Variants in TESMIN observed in about 807,000 individuals in gnomAD.
TESMIN encodes CXC domain containing 2.
A neutral mutation model predicts 47.4 loss-of-function variants in TESMIN; 34 were observed. That is an observed-to-expected ratio of 0.72 (90% CI 0.55 to 0.96). The LOEUF (loss-of-function observed/expected upper bound fraction) is 0.96. Among genes scored for constraint, TESMIN ranks in the 40% least tolerant of loss-of-function variants. The pLI is 0.00. For missense variants in TESMIN, 610 were observed against 637.2 expected, an observed-to-expected ratio of 0.96 and a Z score of 0.46; for synonymous variants, 278 against 258.9, an observed-to-expected ratio of 1.07 and a Z score of -0.71.
chr11:68,736,330 C>A, intron 6 of TESMIN: 1 of 985,408 alleles, frequency 1.0e-6, no homozygotes, highest in Non-Finnish European at 1.2e-6. Context: ...ACCCCCCAAC[C>A]CTAACAAATG....
chr11:68,728,848 A>T (rs1277608140), intron 6 of TESMIN, among the ~76,000 whole-genome samples: 1 of 152,234 alleles, frequency 6.6e-6, no homozygotes, highest in African/African-American at 2.4e-5. Flanking sequence ...TTACAGCATG[A>T]TTTACTGAAT....
Position 68,708,173 on chromosome 11 carries a change from T to G in TESMIN, c.*135A>C, listed in dbSNP as rs1482384253. ...TGCCACATCTTCAGAGAGCTCTGAG[T>G]AAACTCCCTGGGCCCAGGGATGCAG... On this transcript the variant is annotated 3_prime_UTR_variant, in exon 10 of 10. Coordinates refer to ENST00000255087, the MANE Select transcript of TESMIN (RefSeq NM_004923.3). The G allele has an allele frequency of 1.2e-6, 1 of 837,822 alleles. No individual in the cohort carries two copies. The highest frequency in any genetic ancestry group is 1.9e-6 in the Non-Finnish European group (1 of 538,224). 51.9% of individuals were successfully genotyped at this position (837,822 alleles called of 1,614,324 possible).
intron 6 of TESMIN, among the ~76,000 whole-genome samples, chr11:68,723,709 T>G (rs1254795421): frequency 6.6e-6 from 1 of 152,082 alleles, no homozygotes; most frequent in Admixed American, 6.5e-5. Flanking sequence ...GCCATAATTA[T>G]AGATACAGAG....
chr11:68,712,182 C>G (rs1297237465), intron 8 of TESMIN, among the ~76,000 whole-genome samples: 1 of 152,266 alleles, frequency 6.6e-6, no homozygotes, highest in Admixed American at 6.5e-5. Flanking sequence ...AGCATAGGCT[C>G]TGCCTTGGGG....
At position 68,750,378 on chromosome 11, in the gene TESMIN, C is replaced by G. The variant is rs766989014; in HGVS notation, c.283G>C (p.Gly95Arg). 11 of 1,512,340 alleles carry G rather than the reference C, an allele frequency of 7.3e-6. No individual in the cohort carries two copies. The East Asian group carries it at 1.8e-4, about 24-fold the overall frequency. The allele number at this position is 1,512,340 out of a possible 1,614,324, so 93.7% of individuals were successfully genotyped here. ...AGCTCTGGGATCCCGGGGTACTCCC[C>G]GAGGAGCTCCCCGCCGTCGCTGTCG... is the stretch of plus-strand genomic sequence containing the variant. The part of the protein sequence containing the change: ...GGDSDGGELL[G>R]EYPGIPELSA... The change falls in exon 2 of 10, where the codon GGG (glycine) becomes CGG (arginine). Residue 95 changes from glycine (G) to arginine (R), a missense_variant. Gly to Arg is a moderately radical substitution (Grantham distance 125). Transcript: ENST00000255087.
chr11:68,708,222 G>T lies in TESMIN; in HGVS notation c.*86C>A. On this transcript the variant is annotated 3_prime_UTR_variant, in exon 10 of 10. Transcript: ENST00000255087. Reference sequence around the variant, plus strand: ...AGGGGAGCCTGGTTGTTGCTGCAGAGCCAGCCTCATGTTCCCCTAAACATC... The same window carrying T: ...AGGGGAGCCTGGTTGTTGCTGCAGATCCAGCCTCATGTTCCCCTAAACATC... The T allele has an allele frequency of 7.4e-7, 1 of 1,344,590 alleles. No individual in the cohort carries two copies. Among genetic ancestry groups the T allele is most frequent in the Non-Finnish European group, 1.0e-6 (1 of 978,174 alleles). The allele number at this position is 1,344,590 out of a possible 1,614,324, so 83.3% of individuals were successfully genotyped here.
At chr11:68,725,554 C>A (rs1246603053) in intron 6 of TESMIN, among the ~76,000 whole-genome samples, 1 of 151,938 alleles carries the variant, frequency 6.6e-6, no homozygotes, top group Admixed American at 6.6e-5. Context: ...ACTCATGATA[C>A]CCTCTGTCAG....
intron 1 of TESMIN, among the ~76,000 whole-genome samples, 191 bp downstream of exon 1, chr11:68,751,229 G>T (rs1161268872): frequency 2.3e-5 from 3 of 131,360 alleles, no homozygotes; most frequent in Non-Finnish European, 5.0e-5. Context: ...CGAGGAGGGG[G>T]TCAGGTGAGG....
intron 3 of TESMIN, 100 bp downstream of exon 3, chr11:68,747,108 G>A (rs757780819): frequency 4.5e-5 from 61 of 1,362,430 alleles, no homozygotes; most frequent in African/African-American, 7.2e-5. Context: ...CAATACATAC[G>A]TGAAATGAAA....
chr11:68,745,453 G>A (rs1304356249), intron 3 of TESMIN, among the ~76,000 whole-genome samples: 2 of 152,076 alleles, frequency 1.3e-5, no homozygotes, highest in African/African-American at 4.8e-5. Flanking sequence ...CCTTTGTCCT[G>A]TCCTCACTCC....
chr11:68,737,391 C>A, intron 6 of TESMIN: 1 of 985,546 alleles, frequency 1.0e-6, no homozygotes, highest in Non-Finnish European at 1.2e-6. Flanking sequence ...CCTTCAGCGA[C>A]CATGAGGGCT....
chr11:68,723,189 GACT>G, intron 6 of TESMIN, among the ~76,000 whole-genome samples: 1 of 152,052 alleles, frequency 6.6e-6, no homozygotes, highest in South Asian at 2.1e-4. Context: ...TTGACGTACA[GACT>G]ACATTATCTA....
At chr11:68,709,401 C>T (rs1355258271) in intron 9 of TESMIN, among the ~76,000 whole-genome samples, 4 of 152,204 alleles carry the variant, frequency 2.6e-5, no homozygotes, top group Non-Finnish European at 1.5e-5. Context: ...TCTGAGGACT[C>T]GCCTGTCAAA....
At chr11:68,738,664 A>G (rs1946417415) in intron 6 of TESMIN, 36 bp downstream of exon 6, 1 of 1,612,034 alleles carries the variant, frequency 6.2e-7, no homozygotes, top group African/African-American at 1.3e-5. Flanking sequence ...TTAAATTATT[A>G]CATTAGAGTG....
At chr11:68,725,650 G>A (rs528614723) in intron 6 of TESMIN, among the ~76,000 whole-genome samples, 2 of 152,052 alleles carry the variant, frequency 1.3e-5, no homozygotes, top group Non-Finnish European at 2.9e-5. Flanking sequence ...TGTTGTTGTT[G>A]TTGTTGGAAA....
At chr11:68,749,850 C>T (rs1379485431) in intron 2 of TESMIN, among the ~76,000 whole-genome samples, 1 of 152,190 alleles carries the variant, frequency 6.6e-6, no homozygotes, top group African/African-American at 2.4e-5. Flanking sequence ...GCGGGCCTCT[C>T]TCCTTAAGCC....
Position 68,710,964 on chromosome 11 carries a change from A to T in TESMIN, c.1244T>A (p.Met415Lys), listed in dbSNP as rs1210417217. The T allele has an allele frequency of 1.2e-6, 2 of 1,614,140 alleles. No individual in the cohort carries two copies. Among genetic ancestry groups the T allele is most frequent in the Non-Finnish European group, 8.5e-7 (1 of 1,180,002 alleles). The change falls in exon 9 of 10, where the codon ATG (methionine) becomes AAG (lysine). Residue 415 changes from methionine (M) to lysine (K), a missense_variant. Coordinates refer to ENST00000255087, the MANE Select transcript of TESMIN (RefSeq NM_004923.3). ...ESPERKTLMS[M>K]PNYMQTGGLE... ...ACCTCCAGTCTGCATGTAGTTTGGC[A>T]TGCTCATTAGTGTCTTTCGTTCTGG...
At chr11:68,736,163 T>C (rs913219095) in intron 6 of TESMIN, 7 of 985,196 alleles carry the variant, frequency 7.1e-6, no homozygotes, top group Admixed American at 6.1e-5. Context: ...ATGATGTTCA[T>C]TATGTTACTA....
downstream of TESMIN, among the ~76,000 whole-genome samples, chr11:68,707,174 T>G (rs934541018): frequency 6.6e-6 from 1 of 152,322 alleles, no homozygotes; most frequent in Admixed American, 6.5e-5. Context: ...TGGCTTCCTG[T>G]GGCTGTGTTT....
Sources: gnomAD v4.1 joint callset for allele counts (sites outside exome capture counted in the v4.1 genomes callset) on GRCh38, gnomAD v4.1.1 for gene constraint, MANE v1.5 for transcripts, NCBI Gene and HGNC (gene_info 2026-07-23, HGNC 2026-07-21) for gene names.